ANKRD18B: variants seen among roughly 807,000 people sequenced by gnomAD.
The protein encoded by ANKRD18B is ankyrin repeat domain 18B, also known as ankyrin repeat domain-containing protein 18B.
In ANKRD18B, 75 loss-of-function variants were observed where a neutral mutation model predicts 111.8. That is an observed-to-expected ratio of 0.67 (90% CI 0.56 to 0.81). The LOEUF is 0.81. ANKRD18B is among the 40% of genes least tolerant of loss of function. The probability of loss-of-function intolerance (pLI) is 0.00; values close to 1 mark genes in which losing one functional copy is unlikely to be tolerated. For missense variants in ANKRD18B, 1,038 were observed against 1,225.5 expected, an observed-to-expected ratio of 0.85 and a Z score of 2.28; for synonymous variants, 356 against 417.3, an observed-to-expected ratio of 0.85 and a Z score of 1.79.
rs138124170 is a variant in ANKRD18B at position 33,528,861 on chromosome 9, G to A, written c.321+20G>A. ...ATGAAGGTATATAGTAGCCAACTCAGCATGAAATGGATTTGATTTAAATAC... is the reference window on the plus strand; with the variant it reads ...ATGAAGGTATATAGTAGCCAACTCAACATGAAATGGATTTGATTTAAATAC... On this transcript the variant is annotated intron_variant, in intron 2 of 18. Coordinates refer to ENST00000684830, the MANE Select transcript of ANKRD18B (RefSeq NM_001393611.1). 87 of 1,584,576 alleles carry A rather than the reference G, an allele frequency of 5.5e-5. No individual in the cohort carries two copies. The East Asian group carries it at 2.0e-3, about 36-fold the overall frequency.
chr9:33,536,808 T>G, intron 5 of ANKRD18B, 70 bp from the exon 6 acceptor site: 2 of 1,013,314 alleles, frequency 2.0e-6, no homozygotes, highest in Non-Finnish European at 2.8e-6. Flanking sequence ...CTTTAAGAAT[T>G]TAATCTGTTT....
At chr9:33,568,157 G>A (rs1269516941) in intron 16 of ANKRD18B, among the ~76,000 whole-genome samples, 11 of 152,112 alleles carry the variant, frequency 7.2e-5, no homozygotes. Flanking sequence ...ACCTGAAACT[G>A]GTTTACTAAA....
chr9:33,532,123 A>G (rs1472924630), intron 3 of ANKRD18B, among the ~76,000 whole-genome samples: 3 of 152,100 alleles, frequency 2.0e-5, no homozygotes, highest in Admixed American at 2.0e-4. Flanking sequence ...AGTTCCAGCT[A>G]TTTGGGAGGC....
chr9:33,567,842 A>G (rs1292229662), intron 16 of ANKRD18B, among the ~76,000 whole-genome samples: 1 of 152,240 alleles, frequency 6.6e-6, no homozygotes, highest in East Asian at 1.9e-4. Flanking sequence ...AAGGTGTTAC[A>G]TAAAGGCATC....
At chr9:33,537,673 T>C (rs1436344096) in intron 6 of ANKRD18B, among the ~76,000 whole-genome samples, 1 of 152,206 alleles carries the variant, frequency 6.6e-6, no homozygotes, top group Non-Finnish European at 1.5e-5. Context: ...TCTTGAATAT[T>C]GCGGGGGTTA....
intron 9 of ANKRD18B, 80 bp from the exon 10 acceptor site, chr9:33,543,105 G>A: frequency 1.6e-6 from 2 of 1,216,908 alleles, no homozygotes; most frequent in Non-Finnish European, 2.3e-6. Flanking sequence ...AGAAAAGTGT[G>A]TGTTGTTTTG....
chr9:33,547,988 G>A lies in ANKRD18B; in HGVS notation c.1200G>A (p.Met400Ile). 2 of 1,477,856 alleles carry A rather than the reference G, an allele frequency of 1.4e-6. No individual in the cohort carries two copies. Among genetic ancestry groups the A allele is most frequent in the Non-Finnish European group, 1.8e-6 (2 of 1,115,186 alleles). The allele number at this position is 1,477,856 out of a possible 1,614,324, so 91.5% of individuals were successfully genotyped here. ...AGGATGAGATGTTTGGAAATTTTATGTTGAAGAGAGACATTGCCATGCTCA... is the reference window on the plus strand; with the variant it reads ...AGGATGAGATGTTTGGAAATTTTATATTGAAGAGAGACATTGCCATGCTCA... ...KKKDEMFGNFMLKRDIAMLKE... is the reference protein window; with the variant it reads ...KKKDEMFGNFILKRDIAMLKE... The change falls in exon 11 of 19, where the codon ATG becomes ATA. Residue 400 changes from methionine to isoleucine, a missense_variant. By Grantham distance (10) the Met-to-Ile change is conservative. This residue lies in a region of ANKRD18B where 205 missense variants were observed against 201.3 expected (regional missense o/e 1.02). Coordinates refer to ENST00000684830, the MANE Select transcript of ANKRD18B (RefSeq NM_001393611.1).
rs1477328820 is a variant in ANKRD18B, at chr9:33,548,154, G to A, written c.1366G>A (p.Ala456Thr). 1 of 1,537,720 alleles carries A rather than the reference G, an allele frequency of 6.5e-7. No individual in the cohort carries two copies. The highest frequency in any genetic ancestry group is 8.8e-7 in the Non-Finnish European group (1 of 1,142,138). The change falls in exon 11 of 19, where the codon GCC becomes ACC. Residue 456 changes from alanine (A) to threonine (T), a missense_variant. Transcript: ENST00000684830. ...TGAAGAAATGATAACAAAAAAAGTG[G>A]CCCAGTATTCGCAACAGCTTAATGA... is the stretch of plus-strand genomic sequence containing the variant. ...LNEEMITKKVAQYSQQLNDLK... is the reference protein window; with the variant it reads ...LNEEMITKKVTQYSQQLNDLK...
chr9:33,559,039 T>G (rs982150117), intron 14 of ANKRD18B, among the ~76,000 whole-genome samples: 1 of 152,154 alleles, frequency 6.6e-6, no homozygotes, highest in Non-Finnish European at 1.5e-5. Context: ...TCAGTGACAA[T>G]TGATAAACAA....
intron 12 of ANKRD18B, among the ~76,000 whole-genome samples, chr9:33,554,732 G>A (rs754582571): frequency 1.6e-4 from 24 of 152,122 alleles, no homozygotes; most frequent in Non-Finnish European, 2.6e-4. Context: ...TATCTTTATC[G>A]AGTGTACTCA....
chr9:33,562,569 G>C (rs1485032409), intron 14 of ANKRD18B, among the ~76,000 whole-genome samples: 2 of 151,980 alleles, frequency 1.3e-5, no homozygotes, highest in Admixed American at 6.6e-5. Context: ...GTAATATTCA[G>C]GCAATTTATC....
chr9:33,547,895 AT>A (rs2118055907), intron 10 of ANKRD18B, 42 bp from the exon 11 acceptor site: 1 of 1,264,864 alleles, frequency 7.9e-7, no homozygotes, highest in African/African-American at 1.5e-5. Context: ...ACCATCATAG[AT>A]TATTTTGAGT....
intron 1 of ANKRD18B, among the ~76,000 whole-genome samples, chr9:33,525,362 A>G (rs1369274689): frequency 6.6e-6 from 1 of 152,218 alleles, no homozygotes; most frequent in Non-Finnish European, 1.5e-5. Context: ...AATGGAACAG[A>G]ATAGGAAATC....
At chr9:33,560,300 A>T (rs895206570) in intron 14 of ANKRD18B, among the ~76,000 whole-genome samples, 9 of 152,256 alleles carry the variant, frequency 5.9e-5, no homozygotes, top group African/African-American at 2.2e-4. Context: ...GGACAGGCAC[A>T]CATGAGCTGA....
rs1478560298 is a variant in ANKRD18B, at chr9:33,567,250, G to A, written c.2890G>A (p.Glu964Lys). ...TGAAGATGTTACAACTGAATTAGAAGAGTATAAGGAAGCCTTTGCAGTAGC... is the reference window on the plus strand; with the variant it reads ...TGAAGATGTTACAACTGAATTAGAAAAGTATAAGGAAGCCTTTGCAGTAGC... ...AYEDVTTELE[E>K]YKEAFAVALK... is the part of the protein sequence containing the mutation. The change falls in exon 16 of 19, where the codon GAG becomes AAG. Residue 964 changes from glutamate to lysine, a missense_variant. Glu to Lys is a moderately conservative substitution (Grantham distance 56). Transcript: ENST00000684830. 3.9e-6 allele frequency: 6 copies of A among 1,548,710 alleles called. No individual in the cohort carries two copies. In the South Asian group the frequency reaches 7.2e-5, roughly 19 times the overall value.
chr9:33,562,573 A>G (rs1160208931), intron 14 of ANKRD18B, among the ~76,000 whole-genome samples: 2 of 152,124 alleles, frequency 1.3e-5, no homozygotes, highest in African/African-American at 4.8e-5. Flanking sequence ...TATTCAGGCA[A>G]TTTATCAGAG....
intron 1 of ANKRD18B, among the ~76,000 whole-genome samples, chr9:33,528,229 A>T (rs1430557118): frequency 2.6e-5 from 4 of 152,212 alleles, no homozygotes; most frequent in African/African-American, 9.7e-5. Flanking sequence ...TGAGCCTACA[A>T]GTGCCAGGCT....
At chr9:33,566,814 T>C (rs1228817200) in intron 15 of ANKRD18B, among the ~76,000 whole-genome samples, 1 of 152,206 alleles carries the variant, frequency 6.6e-6, no homozygotes, top group Non-Finnish European at 1.5e-5. Context: ...GGTCTTAAGC[T>C]ACGTTGTTCA....
intron 10 of ANKRD18B, among the ~76,000 whole-genome samples, chr9:33,546,958 A>C (rs995154791): frequency 6.6e-6 from 1 of 152,186 alleles, no homozygotes; most frequent in African/African-American, 2.4e-5. Context: ...TGTTGTGGCA[A>C]ACTTTGGTTC....
Sources: allele counts gnomAD v4.1 joint callset (sites outside exome capture counted in the v4.1 genomes callset), GRCh38; gene constraint gnomAD v4.1.1; regional missense constraint gnomAD v4.1.1; transcripts MANE v1.5; gene names NCBI Gene and HGNC (gene_info 2026-07-23, HGNC 2026-07-21).